Variants in ENPP6 observed in about 807,000 individuals in gnomAD.
ENPP6 encodes ectonucleotide pyrophosphatase/phosphodiesterase 6.
Under a neutral mutation model 42.0 loss-of-function variants are expected in ENPP6, and 32 were observed. The observed-to-expected ratio is 0.76, with a 90% CI of 0.58 to 1.02. The LOEUF (loss-of-function observed/expected upper bound fraction) is 1.02, where lower values mean the gene tolerates loss of function less well. Ranked by LOEUF, ENPP6 falls within the 50% of genes least tolerant of loss-of-function variation. ENPP6 has a pLI of 0.00. For missense variants in ENPP6, 552 were observed against 566.8 expected, an observed-to-expected ratio of 0.97 and a Z score of 0.27; for synonymous variants, 213 against 216.0, an observed-to-expected ratio of 0.99 and a Z score of 0.12.
chr4:184,089,393 G>A lies in ENPP6; in HGVS notation c.*1784C>T, dbSNP rs971652937. The A allele has an allele frequency of 2.6e-5, 4 of 152,138 alleles. No homozygotes were observed. The highest frequency in any genetic ancestry group is 9.7e-5 in the African/African-American group (4 of 41,420). 9.4% of individuals were successfully genotyped at this position (152,138 alleles called of 1,614,324 possible). A position where few individuals can be genotyped will look rare whatever the true frequency, so the allele number is the denominator to read the frequency against. On this transcript the variant is annotated 3_prime_UTR_variant, in exon 8 of 8. Transcript: ENST00000296741. ...CATATAAGGCCTCCATCGTCCTGAG[G>A]AGACCTGATATATTGCCTTTTCCTG...
intron 2 of ENPP6, among the ~76,000 whole-genome samples, chr4:184,150,726 T>C (rs964616141): frequency 1.3e-5 from 2 of 152,204 alleles, no homozygotes; most frequent in African/African-American, 4.8e-5. Flanking sequence ...CTAGACAGTG[T>C]CTGAGAGACT....
At chr4:184,113,957 T>TTCTTTCTTTCTC (rs1736270416) in intron 5 of ENPP6, among the ~76,000 whole-genome samples, 1 of 136,476 alleles carries the variant, frequency 7.3e-6, no homozygotes, top group African/African-American at 2.7e-5. Context: ...CTTTCTTTCT[T>TTCTTTCTTTCTC]TCTTTCTCTC....
intron 6 of ENPP6, among the ~76,000 whole-genome samples, chr4:184,107,182 G>C (rs1005890537): frequency 6.6e-6 from 1 of 152,112 alleles, no homozygotes; most frequent in African/African-American, 2.4e-5. Context: ...ATCCCCTGTG[G>C]GAAGATGCAG....
rs919432030 is a variant in ENPP6 at position 184,157,433 on chromosome 4, T to C, written c.242-3700A>G. Among the ~76,000 whole-genome samples the C allele has an allele frequency of 6.0e-3, 534 of 88,316 alleles. 13 individuals are homozygous for C. Among genetic ancestry groups the C allele is most frequent in the Admixed American group, 0.047 (404 of 8,684 alleles). 57.9% of individuals were successfully genotyped at this position (88,316 alleles called of 152,430 possible). On this transcript the variant is annotated intron_variant, in intron 1 of 7. Coordinates refer to ENST00000296741, the MANE Select transcript of ENPP6 (RefSeq NM_153343.4). ...TCTTTCTTTCTTTCTTTCTTTCCTTTTCTTTCTTTCTTTTCTTTCTCTCTC... is the reference window on the plus strand; with the variant it reads ...TCTTTCTTTCTTTCTTTCTTTCCTTCTCTTTCTTTCTTTTCTTTCTCTCTC...
intron 1 of ENPP6, among the ~76,000 whole-genome samples, chr4:184,206,772 G>A (rs1479995962): frequency 6.6e-6 from 1 of 152,186 alleles, no homozygotes; most frequent in Non-Finnish European, 1.5e-5. Context: ...CTAGGAGTGC[G>A]AGACAAAATG....
intron 1 of ENPP6, among the ~76,000 whole-genome samples, chr4:184,216,075 G>A (rs1921563): frequency 0.049 from 7,498 of 152,260 alleles, 612 homozygotes; most frequent in African/African-American, 0.17. Flanking sequence ...TGCACGTGGC[G>A]TGGCAGTTTA....
intron 5 of ENPP6, among the ~76,000 whole-genome samples, chr4:184,115,140 A>G (rs1185632671): frequency 6.6e-6 from 1 of 152,228 alleles, no homozygotes; most frequent in Non-Finnish European, 1.5e-5. Context: ...CCAGTGCTTC[A>G]TCCTTACTAA....
intron 6 of ENPP6, among the ~76,000 whole-genome samples, chr4:184,105,176 G>A (rs1421888415): frequency 2.0e-5 from 3 of 152,140 alleles, no homozygotes; most frequent in African/African-American, 4.8e-5. Context: ...ATTTTGGTTC[G>A]GGTCTATGCA....
intron 6 of ENPP6, among the ~76,000 whole-genome samples, chr4:184,110,085 G>A (rs1312454531): frequency 2.0e-5 from 3 of 152,134 alleles, no homozygotes; most frequent in Non-Finnish European, 4.4e-5. Flanking sequence ...AGGAGGACGT[G>A]TCCTCAGACG....
intron 1 of ENPP6, among the ~76,000 whole-genome samples, chr4:184,190,307 G>C (rs1165226936): frequency 6.6e-6 from 1 of 152,178 alleles, no homozygotes; most frequent in Non-Finnish European, 1.5e-5. Context: ...CACAATATTT[G>C]ACAGAGTTTG....
intron 3 of ENPP6, among the ~76,000 whole-genome samples, chr4:184,119,480 T>G (rs968347727): frequency 6.6e-6 from 1 of 152,168 alleles, no homozygotes; most frequent in African/African-American, 2.4e-5. Context: ...ATGACAAGTC[T>G]TAATTTTGAA....
At chr4:184,127,032 C>T (rs936461225) in intron 2 of ENPP6, among the ~76,000 whole-genome samples, 1 of 152,082 alleles carries the variant, frequency 6.6e-6, no homozygotes, top group South Asian at 2.1e-4. Flanking sequence ...GATCCATAGA[C>T]GGCACAATTG....
chr4:184,143,037 C>A (rs1341698752), intron 2 of ENPP6, among the ~76,000 whole-genome samples: 1 of 152,176 alleles, frequency 6.6e-6, no homozygotes, highest in African/African-American at 2.4e-5. Context: ...ATTACAGTGA[C>A]TCCATGCTTC....
At chr4:184,124,912 T>C (rs994436747) in intron 2 of ENPP6, among the ~76,000 whole-genome samples, 6 of 152,032 alleles carry the variant, frequency 3.9e-5, no homozygotes, top group Non-Finnish European at 7.4e-5. Flanking sequence ...CCTGGACAAG[T>C]AGAAGTAGTT....
At chr4:184,129,279 A>C (rs1461010924) in intron 2 of ENPP6, among the ~76,000 whole-genome samples, 1 of 149,620 alleles carries the variant, frequency 6.7e-6, no homozygotes, top group African/African-American at 2.5e-5. Context: ...GTACACAAAC[A>C]CCCCCCCAAC....
intron 2 of ENPP6, among the ~76,000 whole-genome samples, chr4:184,144,499 A>G (rs997529239): frequency 3.3e-5 from 5 of 152,172 alleles, no homozygotes; most frequent in African/African-American, 1.2e-4. Flanking sequence ...GCCCTGTGGA[A>G]CGGATCGGGG....
At chr4:184,101,895 A>G (rs984626831) in intron 6 of ENPP6, among the ~76,000 whole-genome samples, 4 of 152,186 alleles carry the variant, frequency 2.6e-5, no homozygotes, top group Admixed American at 1.3e-4. Flanking sequence ...AAGTCGCCCC[A>G]CACCAGGACG....
intron 7 of ENPP6, among the ~76,000 whole-genome samples, chr4:184,095,665 A>AAAT (rs1553994029): frequency 7.4e-5 from 10 of 135,404 alleles, no homozygotes; most frequent in African/African-American, 2.5e-4. Flanking sequence ...AAAAAAAAAA[A>AAAT]ATATATCTAT....
chr4:184,210,784 A>AT (rs1486063452), intron 1 of ENPP6, among the ~76,000 whole-genome samples: 4 of 151,948 alleles, frequency 2.6e-5, no homozygotes, highest in South Asian at 2.1e-4. Context: ...CAGAATATAC[A>AT]TTTTTTTCAG....
Sources: gnomAD v4.1 joint callset for allele counts (sites outside exome capture counted in the v4.1 genomes callset) on GRCh38, gnomAD v4.1.1 for gene constraint, MANE v1.5 for transcripts, NCBI Gene and HGNC (gene_info 2026-07-23, HGNC 2026-07-21) for gene names.